Variants in C17orf78 observed in about 807,000 individuals in gnomAD.
The protein encoded by C17orf78 is chromosome 17 open reading frame 78, also known as uncharacterized protein C17orf78.
C17orf78 carries 27 observed loss-of-function variants against 31.8 expected under a neutral mutation model. The observed-to-expected ratio is 0.85, with a 90% CI of 0.63 to 1.17. The LOEUF (loss-of-function observed/expected upper bound fraction) is 1.17. C17orf78 is among the 50% of genes most tolerant of loss of function. The probability of loss-of-function intolerance (pLI) is 0.00; values close to 1 mark genes in which losing one functional copy is unlikely to be tolerated. For missense variants in C17orf78, 258 were observed against 315.2 expected (o/e 0.82, Z 1.37); for synonymous variants, 106 against 115.1 (o/e 0.92, Z 0.51).
chr17:37,379,428 A>G (rs2050148000), intron 3 of C17orf78, 46 bp downstream of exon 3: 12 of 1,585,630 alleles, frequency 7.6e-6, no homozygotes, highest in Non-Finnish European at 1.0e-5. Context: ...CTTTTAGTTG[A>G]CATCCTTGAA....
intron 3 of C17orf78, among the ~76,000 whole-genome samples, chr17:37,382,449 CTT>C (rs1334538799): frequency 4.0e-5 from 6 of 151,518 alleles, no homozygotes; most frequent in South Asian, 2.1e-4. Context: ...TAAAATAAAA[CTT>C]GACATTTTTA....
intron 6 of C17orf78, among the ~76,000 whole-genome samples, chr17:37,390,252 ATTATATATAATTATATATAATAT>A (rs2050767779): frequency 3.1e-5 from 1 of 31,772 alleles, no homozygotes; most frequent in Non-Finnish European, 4.4e-5. Context: ...TTATATATAT[ATTATATATAATTATATATAATAT>A]ATTATATATA....
intron 3 of C17orf78, among the ~76,000 whole-genome samples, chr17:37,384,817 T>A (rs2147768220): frequency 6.6e-6 from 1 of 152,328 alleles, no homozygotes; most frequent in South Asian, 2.1e-4. Context: ...CAGTGCCTGG[T>A]ACTATGGCCA....
chr17:37,388,580 G>A, intron 4 of C17orf78, 90 bp from the exon 5 acceptor site: 1 of 1,446,034 alleles, frequency 6.9e-7, no homozygotes, highest in Non-Finnish European at 9.5e-7. Flanking sequence ...TAATAGTCTT[G>A]TGAGCCAGAA....
At chr17:37,388,876 A>G in intron 5 of C17orf78, 82 bp downstream of exon 5, 1 of 1,521,764 alleles carries the variant, frequency 6.6e-7, no homozygotes, top group African/African-American at 1.4e-5. Context: ...GCATAAGGAG[A>G]AAAGCATAGA....
At chr17:37,381,259 C>T (rs1313375865) in intron 3 of C17orf78, among the ~76,000 whole-genome samples, 1 of 152,018 alleles carries the variant, frequency 6.6e-6, no homozygotes, top group Non-Finnish European at 1.5e-5. Context: ...GATCTCGTCT[C>T]ACTGCAACCT....
At chr17:37,390,330 A>ATATATATATC (rs1386032855) in intron 6 of C17orf78, among the ~76,000 whole-genome samples, 431 of 41,550 alleles carry the variant, frequency 0.01, 48 homozygotes, top group Non-Finnish European at 0.012. Flanking sequence ...ATATATATAT[A>ATATATATATC]TATAAAAGGC....
At chr17:37,381,908 T>G (rs1018186049) in intron 3 of C17orf78, among the ~76,000 whole-genome samples, 2 of 152,242 alleles carry the variant, frequency 1.3e-5, no homozygotes, top group South Asian at 4.1e-4. Context: ...ATTACAGGCG[T>G]GAGCCACTGC....
chr17:37,378,038 C>A, intron 2 of C17orf78, 73 bp downstream of exon 2: 2 of 1,322,662 alleles, frequency 1.5e-6, no homozygotes, highest in Non-Finnish European at 2.2e-6. Context: ...GATATCTCAT[C>A]TTCCCACTTC....
At chr17:37,380,522 G>T (rs982386172) in intron 3 of C17orf78, among the ~76,000 whole-genome samples, 9 of 152,108 alleles carry the variant, frequency 5.9e-5, no homozygotes, top group African/African-American at 2.2e-4. Context: ...ATCCCTTCTA[G>T]CCCTGATACT....
At position 37,377,908 on chromosome 17, in the gene C17orf78, C is replaced by T. The variant is rs1473129470; in HGVS notation, c.88C>T (p.Gln30Ter). 3.7e-6 allele frequency: 6 copies of T among 1,613,340 alleles called. No individual in the cohort carries two copies. The Admixed American group carries it at 1.0e-4, about 27-fold the overall frequency. ...CAGAGATAGCAGTTGCCGACTGGAA[C>T]AGCTGCCTGGGATCTTCCCAAAAGA... ...DLRDSSCRLE[Q>*]LPGIFPKDVR... Residue 30 changes from glutamine (Q) to a stop codon, truncating the protein, a stop_gained, in exon 2 of 7, where the codon CAG becomes TAG. Transcript: ENST00000615133. LOFTEE classifies it high-confidence loss of function.
rs2050651866 is a variant in C17orf78 at position 37,388,561 on chromosome 17, C to T, written c.509-109C>T. The stretch of plus-strand genomic sequence containing the variant: ...ATTCTGCCTCTGCCTCTGGGTTAGT[C>T]TGGGCCTCTAATAGTCTTGTGAGCC... On this transcript the variant is annotated intron_variant, in intron 4 of 6. Transcript: ENST00000615133. The T allele has an allele frequency of 1.7e-5, 22 of 1,319,594 alleles. No homozygotes were observed. In the South Asian group the frequency reaches 2.8e-4, roughly 17 times the overall value. The allele number at this position is 1,319,594 out of a possible 1,614,324, so 81.7% of individuals were successfully genotyped here.
At chr17:37,377,698 TAAATA>T (rs2050065535) in intron 1 of C17orf78, among the ~76,000 whole-genome samples, 176 bp from the exon 2 acceptor site, 1 of 139,354 alleles carries the variant, frequency 7.2e-6, no homozygotes. Context: ...AATAAATAAA[TAAATA>T]AAAGTAAAGT....
In C17orf78 at chr17:37,390,330, A is replaced by ATCTATATATC. The variant is rs1555672372; in HGVS notation, c.750+969_750+970insCTATATATCT. On this transcript the variant is annotated intron_variant, in intron 6 of 6. Transcript: ENST00000615133. Reference sequence around the variant, plus strand: ...TATATATATATATATATATATATATATATAAAAGGCCAGCTGGGCCGGGCA... The same window carrying ATCTATATATC: ...TATATATATATATATATATATATATATCTATATATCTATAAAAGGCCAGCTGGGCCGGGCA... 5.5e-4 allele frequency among the ~76,000 whole-genome samples: 23 copies of ATCTATATATC among 41,582 alleles called. 5 individuals carry two copies. The East Asian group carries it at 9.8e-3, about 18-fold the overall frequency. The allele number at this position is 41,582 out of a possible 152,430, so 27.3% of individuals were successfully genotyped here. A position where few individuals can be genotyped will look rare whatever the true frequency, so the allele number is the denominator to read the frequency against.
chr17:37,389,019 T>C (rs2050673735), intron 5 of C17orf78, among the ~76,000 whole-genome samples: 1 of 152,052 alleles, frequency 6.6e-6, no homozygotes, highest in Admixed American at 6.6e-5. Flanking sequence ...ATGGTAGTTA[T>C]AAAGATTGAG....
chr17:37,385,664 T>C (rs1008820905), intron 3 of C17orf78, among the ~76,000 whole-genome samples: 1 of 152,136 alleles, frequency 6.6e-6, no homozygotes, highest in Middle Eastern at 3.2e-3. Context: ...TTTGGAGCCA[T>C]CTCTTTTTAA....
rs1295842187 is a variant in C17orf78, at chr17:37,376,568, A to C, written c.58+418A>C. On this transcript the variant is annotated intron_variant, in intron 1 of 6. Coordinates refer to ENST00000615133, the MANE Select transcript of C17orf78 (RefSeq NM_173625.5). ...GTGGGGAGAGCTGAGGGAAAGGGTG[A>C]TATTGGGTGGAATGGCATCATTTGC... Among the ~76,000 whole-genome samples the C allele has an allele frequency of 2.6e-5, 4 of 152,090 alleles. No individual in the cohort carries two copies. In the South Asian group the frequency reaches 6.2e-4, roughly 24 times the overall value.
intron 1 of C17orf78, 145 bp downstream of exon 1, chr17:37,376,295 TAAG>T: frequency 1.6e-6 from 1 of 642,604 alleles, no homozygotes; most frequent in South Asian, 2.0e-5. Context: ...CACTCGCCTC[TAAG>T]AAGGACTGCA....
At position 37,379,259 on chromosome 17, in the gene C17orf78, G is replaced by A; in HGVS notation, c.268G>A (p.Val90Ile). The A allele has an allele frequency of 2.5e-6, 4 of 1,613,992 alleles. No homozygotes were observed. The highest frequency in any genetic ancestry group is 3.4e-6 in the Non-Finnish European group (4 of 1,179,902). Reference sequence around the variant, plus strand: ...TGTATATTTGGAGAGAAGGCCAAAGGTCAAGCATATTTTGAAGAACCTGAG... The same window carrying A: ...TGTATATTTGGAGAGAAGGCCAAAGATCAAGCATATTTTGAAGAACCTGAG... ...NLVYLERRPK[V>I]KHILKNLRII... The change falls in exon 3 of 7, where the codon GTC becomes ATC. Residue 90 changes from valine to isoleucine, a missense_variant. Coordinates refer to ENST00000615133, the MANE Select transcript of C17orf78 (RefSeq NM_173625.5).
Sources: gnomAD v4.1 joint callset for allele counts (sites outside exome capture counted in the v4.1 genomes callset) on GRCh38, gnomAD v4.1.1 for gene constraint, MANE v1.5 for transcripts, NCBI Gene and HGNC (gene_info 2026-07-23, HGNC 2026-07-21) for gene names.